Variants in JPH3 observed in about 807,000 individuals in gnomAD.
JPH3 encodes the protein junctophilin 3, also known as junctophilin-3.
A neutral mutation model predicts 59.6 loss-of-function variants in JPH3; 11 were observed. That is an observed-to-expected ratio of 0.18 (90% CI 0.12 to 0.31). JPH3 has a LOEUF of 0.31. Among genes scored for constraint, JPH3 ranks in the 10% least tolerant of loss-of-function variants. The probability of loss-of-function intolerance (pLI) is 1.00; values close to 1 mark genes in which losing one functional copy is unlikely to be tolerated. For synonymous variants in JPH3, 673 were observed against 483.6 expected, an observed-to-expected ratio of 1.39 and a Z score of -5.14; for missense variants, 1,202 against 1,105.7, an observed-to-expected ratio of 1.09 and a Z score of -1.24.
rs1005267193 is a variant in JPH3, at chr16:87,688,084, C to T, written c.1286-1562C>T. On this transcript the variant is annotated intron_variant, in intron 3 of 4. Coordinates refer to ENST00000284262, the MANE Select transcript of JPH3 (RefSeq NM_020655.4). ...ACGTGGATGTCAGCACAGTTCTACA[C>T]AGACCTTCTCTGGCCCATTCCCTGC... Among the ~76,000 whole-genome samples the T allele has an allele frequency of 1.1e-4, 17 of 152,300 alleles. 1 individual carries two copies. The highest frequency in any genetic ancestry group is 3.9e-4 in the East Asian group (2 of 5,188).
chr16:87,631,344 G>C (rs934537403), intron 1 of JPH3, among the ~76,000 whole-genome samples: 1 of 152,164 alleles, frequency 6.6e-6, no homozygotes, highest in Non-Finnish European at 1.5e-5. Flanking sequence ...TTGATTATTT[G>C]ATAAATTGGT....
intron 1 of JPH3, among the ~76,000 whole-genome samples, chr16:87,615,069 T>C (rs1216606880): frequency 1.3e-5 from 2 of 148,920 alleles, no homozygotes; most frequent in African/African-American, 5.0e-5. Flanking sequence ...CCTGCACACG[T>C]GAGGAGCTGT....
intron 1 of JPH3, among the ~76,000 whole-genome samples, chr16:87,629,012 GA>G (rs1316479761): frequency 6.6e-6 from 1 of 152,166 alleles, no homozygotes; most frequent in Non-Finnish European, 1.5e-5. Flanking sequence ...GGGGTGAACA[GA>G]AGGGCTGGGT....
rs2031363971 is a variant in JPH3, at chr16:87,626,067, T to G, written c.383-18191T>G. Among the ~76,000 whole-genome samples, 3 of 152,280 alleles carry G rather than the reference T, an allele frequency of 2.0e-5. No individual in the cohort carries two copies. The South Asian group carries it at 6.2e-4, about 32-fold the overall frequency. On this transcript the variant is annotated intron_variant, in intron 1 of 4. Coordinates refer to ENST00000284262, the MANE Select transcript of JPH3 (RefSeq NM_020655.4). ...TCTTGGAGTATGCGTAAGTTACTGCTATCGGGGGTGTTTACCCTCCAACAG... is the reference window on the plus strand; with the variant it reads ...TCTTGGAGTATGCGTAAGTTACTGCGATCGGGGGTGTTTACCCTCCAACAG...
At chr16:87,683,966 T>C in intron 2 of JPH3, 176 bp from the exon 3 acceptor site, 1 of 605,216 alleles carries the variant, frequency 1.7e-6, no homozygotes, top group South Asian at 2.0e-5. Flanking sequence ...TCAGTGATGT[T>C]TATTGAATGA....
chr16:87,691,554 T>C (rs953048894), intron 4 of JPH3, among the ~76,000 whole-genome samples: 46 of 151,994 alleles, frequency 3.0e-4, no homozygotes, highest in Non-Finnish European at 4.0e-4. Flanking sequence ...GGGGTCGGTG[T>C]CTGTCCCTGC....
chr16:87,636,647 G>C (rs554579417), intron 1 of JPH3, among the ~76,000 whole-genome samples: 65 of 152,356 alleles, frequency 4.3e-4, no homozygotes, highest in African/African-American at 1.5e-3. Context: ...GTGCTTTCGT[G>C]TAGCCAAACC....
rs528437305 is a variant in JPH3, at chr16:87,615,890, C to T, written c.382+12362C>T. On this transcript the variant is annotated intron_variant, in intron 1 of 4. Transcript: ENST00000284262. ...AGCACCCGACAGCAGAGGAGACCTC[C>T]GGAAATCATGGCTGGATGGGTCAAT... Among the ~76,000 whole-genome samples, 159 of 152,252 alleles carry T rather than the reference C, an allele frequency of 1.0e-3. 1 individual carries two copies. Among genetic ancestry groups the T allele is most frequent in the African/African-American group, 3.7e-3 (153 of 41,548 alleles).
chr16:87,665,770 T>A (rs2032841359), intron 2 of JPH3, among the ~76,000 whole-genome samples: 1 of 152,278 alleles, frequency 6.6e-6, no homozygotes, highest in Admixed American at 6.5e-5. Flanking sequence ...CCAGCCTCCT[T>A]CCCCAGCCCA....
rs1213457807 is a variant in JPH3 at position 87,688,950 on chromosome 16, T to C, written c.1286-696T>C. Among the ~76,000 whole-genome samples the C allele has an allele frequency of 2.6e-5, 4 of 152,274 alleles. No individual in the cohort carries two copies. In the East Asian group the frequency reaches 7.7e-4, roughly 29 times the overall value. On this transcript the variant is annotated intron_variant, in intron 3 of 4. Coordinates refer to ENST00000284262, the MANE Select transcript of JPH3 (RefSeq NM_020655.4). ...AGTCTCGGGGCTAGTCCTACAATGC[T>C]GCCCCTCCCTATCCAGGCCTCCGGG...
At chr16:87,649,742 C>G (rs917902887) in intron 2 of JPH3, among the ~76,000 whole-genome samples, 1 of 152,208 alleles carries the variant, frequency 6.6e-6, no homozygotes, top group Admixed American at 6.5e-5. Flanking sequence ...CCGTCCCCCT[C>G]CCCACTTTGG....
chr16:87,637,610 G>C (rs1414831994), intron 1 of JPH3, among the ~76,000 whole-genome samples: 1 of 152,110 alleles, frequency 6.6e-6, no homozygotes, highest in Non-Finnish European at 1.5e-5. Context: ...TGAGACCCTA[G>C]TGACTCACAG....
chr16:87,693,765 GCATA>G (rs1278118089), intron 4 of JPH3: 3 of 152,512 alleles, frequency 2.0e-5, no homozygotes, highest in Admixed American at 2.0e-4. Flanking sequence ...CTGATGCCCA[GCATA>G]CAGTCGGGGG....
intron 2 of JPH3, among the ~76,000 whole-genome samples, chr16:87,680,120 C>T (rs539360931): frequency 1.3e-5 from 2 of 152,268 alleles, no homozygotes; most frequent in Non-Finnish European, 2.9e-5. Flanking sequence ...GGCAATGACA[C>T]CTGAGGAGGA....
intron 3 of JPH3, among the ~76,000 whole-genome samples, chr16:87,688,289 T>C (rs879802589): frequency 6.6e-6 from 1 of 152,136 alleles, no homozygotes; most frequent in African/African-American, 2.4e-5. Flanking sequence ...GCCAGGGCCA[T>C]GGCCTCGCTC....
chr16:87,662,966 C>G (rs2032752738), intron 2 of JPH3, among the ~76,000 whole-genome samples: 2 of 152,332 alleles, frequency 1.3e-5, no homozygotes, highest in African/African-American at 2.4e-5. Flanking sequence ...AAGCCCTGAG[C>G]TCACTAATCT....
chr16:87,617,116 C>G (rs180892244), intron 1 of JPH3, among the ~76,000 whole-genome samples: 2 of 147,556 alleles, frequency 1.4e-5, no homozygotes, highest in Non-Finnish European at 2.9e-5. Context: ...CACAGCTACT[C>G]GGAGGCTGAG....
At chr16:87,637,924 A>AT (rs968595446) in intron 1 of JPH3, among the ~76,000 whole-genome samples, 14 of 151,118 alleles carry the variant, frequency 9.3e-5, no homozygotes, top group African/African-American at 3.4e-4. Flanking sequence ...TAAAAAAAAA[A>AT]TTTTTTTTTG....
intron 1 of JPH3, among the ~76,000 whole-genome samples, chr16:87,612,737 C>T (rs868343120): frequency 3.9e-5 from 6 of 152,104 alleles, no homozygotes; most frequent in African/African-American, 7.2e-5. Flanking sequence ...GACTAGAGGC[C>T]GGGCGTGGTG....
Sources: gnomAD v4.1 joint callset for allele counts (sites outside exome capture counted in the v4.1 genomes callset) on GRCh38, gnomAD v4.1.1 for gene constraint, MANE v1.5 for transcripts, NCBI Gene and HGNC (gene_info 2026-07-23, HGNC 2026-07-21) for gene names.